The following UBE3A variants were observed in gnomAD, a reference collection of about 807,000 sequenced individuals.
UBE3A encodes the protein ubiquitin-protein ligase E3A.
In UBE3A, 6 loss-of-function variants were observed where a neutral mutation model predicts 83.4. The observed-to-expected ratio is 0.07, with a 90% CI of 0.04 to 0.14. The LOEUF is 0.14. UBE3A is among the 10% of genes least tolerant of loss of function. UBE3A has a pLI of 1.00. For missense variants in UBE3A, 456 were observed against 1,036.1 expected, an observed-to-expected ratio of 0.44 and a Z score of 7.69; for synonymous variants, 337 against 355.4, an observed-to-expected ratio of 0.95 and a Z score of 0.58.
chr15:25,390,793 G>A (rs74609474), intron 4 of UBE3A, among the ~76,000 whole-genome samples: 14 of 152,136 alleles, frequency 9.2e-5, no homozygotes, highest in African/African-American at 2.9e-4. Context: ...TAATTATGAT[G>A]TATCAATATA....
At position 25,371,652 on chromosome 15, in the gene UBE3A, T is replaced by A; in HGVS notation, c.522A>T (p.Glu174Asp). 1 of 1,614,092 alleles carries A rather than the reference T, an allele frequency of 6.2e-7. No homozygotes were observed. Among genetic ancestry groups the A allele is most frequent in the Non-Finnish European group, 8.5e-7 (1 of 1,180,016 alleles). ...FRKVKQHTKEELKSLQAKDED... is the reference protein window; with the variant it reads ...FRKVKQHTKEDLKSLQAKDED... ...CATCTTTTGCTTGAAGAGATTTCAG[T>A]TCTTCCTTGGTGTGTTGTTTAACTT... The change falls in exon 6 of 13, where the codon GAA becomes GAT. Residue 174 changes from glutamate (E) to aspartate (D), a missense_variant. Glu to Asp is a conservative substitution (Grantham distance 45). Transcript: ENST00000648336. The surrounding 1 kb of genome is among the most constrained non-coding windows in gnomAD (Gnocchi z 5.3).
At chr15:25,386,707 G>GA (rs1328004980) in intron 4 of UBE3A, among the ~76,000 whole-genome samples, 13 of 150,340 alleles carry the variant, frequency 8.6e-5, no homozygotes, top group South Asian at 2.1e-4. Context: ...AAGCCAGAGG[G>GA]AAAAAATCAC....
At chr15:25,363,231 T>A (rs1294605156) in intron 6 of UBE3A, among the ~76,000 whole-genome samples, 1 of 152,100 alleles carries the variant, frequency 6.6e-6, no homozygotes. Flanking sequence ...CATACAACTT[T>A]ACCTCTCTTA....
intron 4 of UBE3A, among the ~76,000 whole-genome samples, chr15:25,396,625 T>C (rs1057033531): frequency 9.9e-5 from 15 of 151,982 alleles, no homozygotes; most frequent in Admixed American, 9.8e-4. Flanking sequence ...CAAGACAATA[T>C]CTCAAACAAC....
intron 2 of UBE3A, among the ~76,000 whole-genome samples, chr15:25,410,896 C>T (rs930328984): frequency 6.6e-5 from 10 of 152,162 alleles, no homozygotes; most frequent in Non-Finnish European, 1.3e-4. Context: ...ACAGCTTCCC[C>T]TTGGGTTCTC....
chr15:25,367,832 TTC>T lies in UBE3A; in HGVS notation c.1608+2732_1608+2733del, dbSNP rs563708166. Reference sequence around the variant, plus strand: ...ATATATAAAAGCAATGAATATATTTTTCTTTTTTAAAAAAATCCACAATTATT... The same window carrying T: ...ATATATAAAAGCAATGAATATATTTTTTTTTTAAAAAAATCCACAATTATT... On this transcript the variant is annotated intron_variant, in intron 6 of 12. Coordinates refer to ENST00000648336, the MANE Select transcript of UBE3A (RefSeq NM_130839.5). Among the ~76,000 whole-genome samples, 233 of 152,238 alleles carry T rather than the reference TTC, an allele frequency of 1.5e-3. 1 individual carries two copies. The highest frequency in any genetic ancestry group is 2.6e-3 in the Non-Finnish European group (176 of 67,962).
At chr15:25,417,041 A>G (rs1887223954) in intron 1 of UBE3A, among the ~76,000 whole-genome samples, 1 of 152,150 alleles carries the variant, frequency 6.6e-6, no homozygotes, top group Non-Finnish European at 1.5e-5. Flanking sequence ...GAAATCTGCC[A>G]TTTGAGAGTC....
Position 25,431,380 on chromosome 15 carries a change from T to G in UBE3A, c.-165+7109A>C, listed in dbSNP as rs1299494927. ...TTTCTTTTTTGAGATGAAATCTTGC[T>G]TGCCCAGGCTGGAGTGCAATGGTGT... On this transcript the variant is annotated intron_variant, in intron 1 of 12. Transcript: ENST00000648336. Among the ~76,000 whole-genome samples, 8 of 152,314 alleles carry G rather than the reference T, an allele frequency of 5.3e-5. No homozygotes were observed. The East Asian group carries it at 1.5e-3, about 29-fold the overall frequency.
Position 25,338,137 on chromosome 15 carries a change from C to T in UBE3A, c.*1000G>A, listed in dbSNP as rs1394435608. ...AGATGATGGCAACACGAAGGGGAGA[C>T]TTTGGATTGTCTATTTAAAATCTAG... On this transcript the variant is annotated 3_prime_UTR_variant, in exon 13 of 13. Coordinates refer to ENST00000648336, the MANE Select transcript of UBE3A (RefSeq NM_130839.5). 3 of 152,032 alleles carry T rather than the reference C, an allele frequency of 2.0e-5. No individual in the cohort carries two copies. The highest frequency in any genetic ancestry group is 4.4e-5 in the Non-Finnish European group (3 of 67,980). 9.4% of individuals were successfully genotyped at this position (152,032 alleles called of 1,614,324 possible). A position where few individuals can be genotyped will look rare whatever the true frequency, so the allele number is the denominator to read the frequency against.
chr15:25,432,715 G>C (rs570244493), intron 1 of UBE3A, among the ~76,000 whole-genome samples: 1 of 152,266 alleles, frequency 6.6e-6, no homozygotes, highest in Non-Finnish European at 1.5e-5. Flanking sequence ...AAACTGTTAA[G>C]AGTCACAGCA....
At chr15:25,375,406 T>C (rs2081047593) in intron 5 of UBE3A, 59 bp downstream of exon 5, 1 of 1,573,362 alleles carries the variant, frequency 6.4e-7, no homozygotes, top group Admixed American at 1.8e-5. Flanking sequence ...AACTAATACA[T>C]TTAAATCTCC....
rs1269460905 is a variant in UBE3A, at chr15:25,335,724, C to T, written c.*3413G>A. ...TGACTATGAGGTAACAAAGAAATCCCAGAGACAGAGGTCTGAGCAAAAGAT... is the reference window on the plus strand; with the variant it reads ...TGACTATGAGGTAACAAAGAAATCCTAGAGACAGAGGTCTGAGCAAAAGAT... On this transcript the variant is annotated 3_prime_UTR_variant, in exon 13 of 13. Coordinates refer to ENST00000648336, the MANE Select transcript of UBE3A (RefSeq NM_130839.5). The T allele has an allele frequency of 6.6e-6, 1 of 152,060 alleles. No homozygotes were observed. Among genetic ancestry groups the T allele is most frequent in the Non-Finnish European group, 1.5e-5 (1 of 68,018 alleles). The allele number at this position is 152,060 out of a possible 1,614,324, so 9.4% of individuals were successfully genotyped here.
At chr15:25,365,298 C>A (rs1375963831) in intron 6 of UBE3A, among the ~76,000 whole-genome samples, 4 of 151,982 alleles carry the variant, frequency 2.6e-5, no homozygotes, top group African/African-American at 9.7e-5. Flanking sequence ...AAAAGGAAAA[C>A]CTTATCACTT....
At chr15:25,403,244 ACT>A (rs1051282732) in intron 4 of UBE3A, among the ~76,000 whole-genome samples, 3 of 152,084 alleles carry the variant, frequency 2.0e-5, no homozygotes, top group African/African-American at 7.2e-5. Context: ...GCCAGTCAAG[ACT>A]CTCAACTTCT....
intron 1 of UBE3A, among the ~76,000 whole-genome samples, chr15:25,422,264 C>G (rs1291870622): frequency 6.6e-6 from 1 of 151,842 alleles, no homozygotes; most frequent in Non-Finnish European, 1.5e-5. Flanking sequence ...TGCCTGGGGC[C>G]AAGAGGGAGA....
At chr15:25,365,741 C>A (rs2078990711) in intron 6 of UBE3A, among the ~76,000 whole-genome samples, 1 of 135,528 alleles carries the variant, frequency 7.4e-6, no homozygotes. Context: ...GAGCAAGACT[C>A]CGTCTAAAAA....
chr15:25,416,839 A>G (rs546331970), intron 1 of UBE3A, among the ~76,000 whole-genome samples: 1 of 152,270 alleles, frequency 6.6e-6, no homozygotes, highest in African/African-American at 2.4e-5. Flanking sequence ...AAAGGAGGTG[A>G]GCCATCCACT....
chr15:25,409,032 T>C, intron 3 of UBE3A, 56 bp downstream of exon 3: 1 of 1,528,426 alleles, frequency 6.5e-7, no homozygotes, highest in Non-Finnish European at 8.9e-7. Flanking sequence ...TTTTACAGTA[T>C]GTATTTCACT....
At chr15:25,340,965 AGTTT>A (rs1018613556) in intron 11 of UBE3A, among the ~76,000 whole-genome samples, 3 of 152,200 alleles carry the variant, frequency 2.0e-5, no homozygotes, top group African/African-American at 7.2e-5. Flanking sequence ...CACTTATGTT[AGTTT>A]GAGTTCTAAA....
Sources: allele counts gnomAD v4.1 joint callset (sites outside exome capture counted in the v4.1 genomes callset), GRCh38; gene constraint gnomAD v4.1.1; non-coding constraint Gnocchi (gnomAD v3.1); transcripts MANE v1.5; gene names NCBI Gene and HGNC (gene_info 2026-07-23, HGNC 2026-07-21).